The following ANKRD26 variants were observed in gnomAD, a reference collection of about 807,000 sequenced individuals.
ANKRD26 encodes the protein ankyrin repeat domain 26.
In ANKRD26, 141 loss-of-function variants were observed where a neutral mutation model predicts 208.7. That is an observed-to-expected ratio of 0.68 (90% CI 0.59 to 0.78). The LOEUF (loss-of-function observed/expected upper bound fraction) is 0.78, where lower values mean the gene tolerates loss of function less well. ANKRD26 is among the 30% of genes least tolerant of loss of function. The pLI, the probability that ANKRD26 is intolerant of heterozygous loss-of-function variation, is 0.00. For missense variants in ANKRD26, 1,889 were observed against 1,938.7 expected (o/e 0.97, Z 0.48); for synonymous variants, 636 against 660.4 (o/e 0.96, Z 0.57).
intron 9 of ANKRD26, among the ~76,000 whole-genome samples, chr10:27,072,758 G>C (rs1209645757): frequency 6.6e-6 from 1 of 152,220 alleles, no homozygotes; most frequent in Non-Finnish European, 1.5e-5. Context: ...ACCACTGCCT[G>C]CATCTTTCTG....
At chr10:27,062,183 C>G in intron 12 of ANKRD26, 1 of 983,628 alleles carries the variant, frequency 1.0e-6, no homozygotes, top group Non-Finnish European at 1.2e-6. Flanking sequence ...GGAACATTCT[C>G]AGCACTTCTT....
At chr10:26,975,441 A>C (rs796855835) in exon 6 of ANKRD26, among the ~76,000 whole-genome samples, 2 of 99,266 alleles carry the variant, frequency 2.0e-5, no homozygotes, top group African/African-American at 8.2e-5. Flanking sequence ...AGGTCTCTCT[A>C]TGTTGCCCAG....
At chr10:27,016,363 C>T (rs888456040) in intron 30 of ANKRD26, among the ~76,000 whole-genome samples, 1 of 152,102 alleles carries the variant, frequency 6.6e-6, no homozygotes, top group African/African-American at 2.4e-5. Context: ...ACCTCCGCCT[C>T]CCAGATTCAA....
intron 29 of ANKRD26, among the ~76,000 whole-genome samples, chr10:27,019,037 T>G (rs1037333330): frequency 6.6e-6 from 1 of 152,028 alleles, no homozygotes; most frequent in Non-Finnish European, 1.5e-5. Flanking sequence ...TCCCAGCACT[T>G]TGGGAGGACA....
At chr10:27,069,536 T>C (rs891831186) in intron 9 of ANKRD26, among the ~76,000 whole-genome samples, 1 of 152,044 alleles carries the variant, frequency 6.6e-6, no homozygotes, top group Non-Finnish European at 1.5e-5. Flanking sequence ...CACCAACCCC[T>C]GAGCTCAAGT....
chr10:27,029,594 C>A (rs1298901340), intron 25 of ANKRD26, among the ~76,000 whole-genome samples: 1 of 152,066 alleles, frequency 6.6e-6, no homozygotes, highest in Admixed American at 6.5e-5. Flanking sequence ...TATCAACCTG[C>A]GTTCTAGAAC....
At chr10:26,978,998 G>A (rs557344565) in intron 5 of ANKRD26, among the ~76,000 whole-genome samples, 6 of 152,202 alleles carry the variant, frequency 3.9e-5, no homozygotes, top group East Asian at 3.9e-4. Context: ...CGAGGCGGGC[G>A]GATCACGAGG....
At chr10:26,951,003 C>CTTTTTTTTTTTTTTTTTT in the ANKRD26 span, among the ~76,000 whole-genome samples, 1 of 78,264 alleles carries the variant, frequency 1.3e-5, no homozygotes, top group African/African-American at 6.3e-5. Context: ...TTTCTTTTTT[C>CTTTTTTTTTTTTTTTTTT]TTTTCTTTTC....
chr10:27,003,163 G>A (rs2052763197), downstream of ANKRD26, among the ~76,000 whole-genome samples: 1 of 152,090 alleles, frequency 6.6e-6, no homozygotes, highest in Non-Finnish European at 1.5e-5. Context: ...TATATATTCA[G>A]GATGAAGGGA....
intron 32 of ANKRD26, among the ~76,000 whole-genome samples, chr10:27,010,545 G>C (rs149353803): frequency 4.6e-5 from 7 of 152,280 alleles, no homozygotes; most frequent in African/African-American, 1.7e-4. Flanking sequence ...ATCCAGGCTG[G>C]AGTGCAGAAG....
Position 27,024,574 on chromosome 10 carries a change from A to G in ANKRD26, c.3973-15T>C. ...TCATCTTCAGACTTTGAAACAAAAT[A>G]TTTTCAATTACTTTTAAAACTCTGG... On this transcript the variant is annotated splice_polypyrimidine_tract_variant and intron_variant, in intron 27 of 33. Coordinates refer to ENST00000376087, the MANE Select transcript of ANKRD26 (RefSeq NM_014915.3). 7.3e-7 allele frequency: 1 copy of G among 1,365,626 alleles called. No individual in the cohort carries two copies. Among genetic ancestry groups the G allele is most frequent in the South Asian group, 1.2e-5 (1 of 83,258 alleles). 84.6% of individuals were successfully genotyped at this position (1,365,626 alleles called of 1,614,324 possible).
chr10:26,972,194 C>T (rs1479008312), downstream of ANKRD26, among the ~76,000 whole-genome samples: 1 of 148,074 alleles, frequency 6.8e-6, no homozygotes, highest in Admixed American at 6.7e-5. Context: ...GAGATCGTGC[C>T]ACTGCACTCC....
rs71386906 is a variant in ANKRD26, at chr10:27,071,159, A to ATTTTTT, written c.1078-3879_1078-3874dup. On this transcript the variant is annotated intron_variant, in intron 9 of 33. Coordinates refer to ENST00000376087, the MANE Select transcript of ANKRD26 (RefSeq NM_014915.3). ...GCAGAAATAAACAATTGCTACATTCATTTTTTTTTTTTTTTTTTTTTTTTG... is the reference window on the plus strand; with the variant it reads ...GCAGAAATAAACAATTGCTACATTCATTTTTTTTTTTTTTTTTTTTTTTTTTTTTTG... Among the ~76,000 whole-genome samples, 85 of 85,860 alleles carry ATTTTTT rather than the reference A, an allele frequency of 9.9e-4. 1 individual carries two copies. The highest frequency in any genetic ancestry group is 2.4e-3 in the African/African-American group (48 of 19,632). The allele number at this position is 85,860 out of a possible 152,430, so 56.3% of individuals were successfully genotyped here. A position where few individuals can be genotyped will look rare whatever the true frequency, so the allele number is the denominator to read the frequency against.
intron 13 of ANKRD26, among the ~76,000 whole-genome samples, 162 bp downstream of exon 13, chr10:27,060,982 T>C (rs2055032965): frequency 6.6e-6 from 1 of 152,246 alleles, no homozygotes; most frequent in South Asian, 2.1e-4. Flanking sequence ...GTATTTATCA[T>C]GTTCTTCAAC....
chr10:27,030,365 C>G, intron 25 of ANKRD26: 1 of 983,282 alleles, frequency 1.0e-6, no homozygotes, highest in Non-Finnish European at 1.2e-6. Context: ...CAAACAGCAC[C>G]TCCTGGAATA....
intron 29 of ANKRD26, 79 bp from the exon 30 acceptor site, chr10:27,017,871 T>C (rs906850408): frequency 3.7e-6 from 5 of 1,365,900 alleles, no homozygotes; most frequent in South Asian, 1.3e-5. Flanking sequence ...AGAACAAATT[T>C]TGAAATAAAT....
chr10:27,021,618 G>A (rs2053492409), intron 29 of ANKRD26, among the ~76,000 whole-genome samples: 1 of 152,056 alleles, frequency 6.6e-6, no homozygotes, highest in East Asian at 1.9e-4. Flanking sequence ...CAGATTTTTT[G>A]CCTACTTTTG....
chr10:26,995,148 C>T lies in ANKRD26; in HGVS notation c.563-1G>A. ...CATGAGGGGTTTCATCAGAAGGTCCCTGGAATAGAGTGGCAGGATTAAGGT... is the reference window on the plus strand; with the variant it reads ...CATGAGGGGTTTCATCAGAAGGTCCTTGGAATAGAGTGGCAGGATTAAGGT... On this transcript the variant is annotated splice_acceptor_variant, in intron 4 of 5. Transcript: ENST00000445828. LOFTEE classifies it high-confidence loss of function. 2.1e-6 allele frequency: 1 copy of T among 471,056 alleles called. No individual in the cohort carries two copies. Among genetic ancestry groups the T allele is most frequent in the Admixed American group, 2.3e-5 (1 of 42,566 alleles). 29.2% of individuals were successfully genotyped at this position (471,056 alleles called of 1,614,324 possible). A position where few individuals can be genotyped will look rare whatever the true frequency, so the allele number is the denominator to read the frequency against.
At chr10:27,057,283 C>T (rs983665195) in intron 15 of ANKRD26, among the ~76,000 whole-genome samples, 2 of 152,212 alleles carry the variant, frequency 1.3e-5, no homozygotes, top group Non-Finnish European at 2.9e-5. Flanking sequence ...AGAAGTTTAA[C>T]TGACTGTCAT....
Sources: allele counts gnomAD v4.1 joint callset (sites outside exome capture counted in the v4.1 genomes callset), GRCh38; gene constraint gnomAD v4.1.1; transcripts MANE v1.5; gene names NCBI Gene and HGNC (gene_info 2026-07-23, HGNC 2026-07-21).